NFATC1: variants seen among roughly 807,000 people sequenced by gnomAD.
NFATC1 encodes nuclear factor of activated T-cells, cytoplasmic 1.
Under a neutral mutation model 76.0 loss-of-function variants are expected in NFATC1, and 22 were observed. The ratio of observed to expected loss-of-function variants is 0.29; its 90% CI spans 0.21 to 0.41. NFATC1 has a LOEUF of 0.41. Among genes scored for constraint, NFATC1 ranks in the 10% least tolerant of loss-of-function variants. The pLI, the probability that NFATC1 is intolerant of heterozygous loss-of-function variation, is 1.00. For synonymous variants in NFATC1, 704 were observed against 613.1 expected, an observed-to-expected ratio of 1.15 and a Z score of -2.19; for missense variants, 1,357 against 1,337.7, an observed-to-expected ratio of 1.01 and a Z score of -0.23.
At chr18:79,499,533 C>T (rs1441975521) in intron 9 of NFATC1, among the ~76,000 whole-genome samples, 2 of 152,202 alleles carry the variant, frequency 1.3e-5, no homozygotes, top group Non-Finnish European at 2.9e-5. Context: ...TCAATAATCA[C>T]ATTAAATGTC....
chr18:79,426,997 G>T (rs1393190801), intron 2 of NFATC1, among the ~76,000 whole-genome samples: 1 of 152,254 alleles, frequency 6.6e-6, no homozygotes, highest in African/African-American at 2.4e-5. Context: ...GGTTGGGAAT[G>T]GTGGGGGCTC....
At chr18:79,416,966 G>A (rs1203848284) in intron 2 of NFATC1, among the ~76,000 whole-genome samples, 1 of 152,138 alleles carries the variant, frequency 6.6e-6, no homozygotes, top group East Asian at 1.9e-4. Context: ...GGCTCTGAAG[G>A]GTCTTGAAGA....
At chr18:79,423,998 A>G (rs1385525057) in intron 2 of NFATC1, among the ~76,000 whole-genome samples, 2 of 151,990 alleles carry the variant, frequency 1.3e-5, no homozygotes, top group Non-Finnish European at 2.9e-5. Flanking sequence ...CTGAAATCCT[A>G]AGGTTGCCCG....
intron 3 of NFATC1, among the ~76,000 whole-genome samples, chr18:79,436,441 G>A (rs2144684862): frequency 6.6e-6 from 1 of 152,380 alleles, no homozygotes; most frequent in Admixed American, 6.5e-5. Flanking sequence ...GCTGAGCCCT[G>A]GAGGGTGGCG....
At chr18:79,441,958 G>T (rs1430902280) in intron 3 of NFATC1, among the ~76,000 whole-genome samples, 1 of 152,094 alleles carries the variant, frequency 6.6e-6, no homozygotes, top group East Asian at 1.9e-4. Context: ...CTCTTCTCTG[G>T]GCGCTTCCAG....
At chr18:79,494,959 G>A (rs1390568159) in intron 9 of NFATC1, among the ~76,000 whole-genome samples, 1 of 151,964 alleles carries the variant, frequency 6.6e-6, no homozygotes, top group African/African-American at 2.4e-5. Flanking sequence ...ACGGCCGGGG[G>A]AAGGCGAGAG....
At chr18:79,454,466 C>G (rs1363330074) in intron 6 of NFATC1, among the ~76,000 whole-genome samples, 3 of 152,180 alleles carry the variant, frequency 2.0e-5, no homozygotes, top group Non-Finnish European at 4.4e-5. Flanking sequence ...GAAGGGAGTC[C>G]CCGCAGCAGG....
At chr18:79,444,489 T>A (rs113449229) in intron 3 of NFATC1, among the ~76,000 whole-genome samples, 15 of 105,850 alleles carry the variant, frequency 1.4e-4, no homozygotes, top group African/African-American at 4.4e-4. Context: ...CCCCGAGCCC[T>A]CGCTGCTCTG....
chr18:79,418,642 G>T (rs547601542), intron 2 of NFATC1, among the ~76,000 whole-genome samples: 25 of 152,346 alleles, frequency 1.6e-4, no homozygotes, highest in African/African-American at 5.5e-4. Context: ...CTGGTGAGGG[G>T]CTCAGAGTTG....
rs994556561 is a variant in NFATC1 at position 79,524,680 on chromosome 18, C to T, written c.2783-2848C>T. ...CCTCCCCTCCCGAGAGCTCAGCAGC[C>T]GCAGACCCAGGCAGAGAGAGCAAAG... On this transcript the variant is annotated intron_variant, in intron 9 of 9. Transcript: ENST00000427363. The surrounding 1 kb of genome is among the most constrained non-coding windows in gnomAD (Gnocchi z 7.2). 2.0e-5 allele frequency among the ~76,000 whole-genome samples: 3 copies of T among 152,096 alleles called. No homozygotes were observed. The highest frequency in any genetic ancestry group is 4.1e-4 in the South Asian group (2 of 4,826).
At chr18:79,483,514 C>T (rs1216812399) in intron 8 of NFATC1, among the ~76,000 whole-genome samples, 10 of 117,644 alleles carry the variant, frequency 8.5e-5, no homozygotes, top group Admixed American at 2.6e-4. Flanking sequence ...GGTGTCACTC[C>T]GGCGTGACCT....
At chr18:79,442,692 G>T (rs374667593) in intron 3 of NFATC1, among the ~76,000 whole-genome samples, 48 of 152,294 alleles carry the variant, frequency 3.2e-4, no homozygotes, top group African/African-American at 1.1e-3. Flanking sequence ...ACGTGCTCAC[G>T]CTGGGTCCCT....
intron 8 of NFATC1, among the ~76,000 whole-genome samples, chr18:79,474,807 A>T (rs1440115705): frequency 7.2e-6 from 1 of 138,178 alleles, no homozygotes; most frequent in Non-Finnish European, 1.5e-5. Context: ...CACACTGTCG[A>T]CGTAAACCTG....
chr18:79,497,181 G>A (rs966078144), intron 9 of NFATC1: 1 of 152,270 alleles, frequency 6.6e-6, no homozygotes, highest in Admixed American at 6.5e-5. Context: ...AGAGAAGCAG[G>A]CCTTCTAAAC....
At position 79,410,200 on chromosome 18, in the gene NFATC1, C is replaced by T; in HGVS notation, c.128-203C>T. 1.2e-6 allele frequency: 1 copy of T among 822,032 alleles called. No homozygotes were observed. Among genetic ancestry groups the T allele is most frequent in the South Asian group, 1.5e-5 (1 of 68,688 alleles). The allele number at this position is 822,032 out of a possible 1,614,324, so 50.9% of individuals were successfully genotyped here. ...GTGGGCAGTGAGGGGCTCACGGGAG[C>T]CTTGTTGGCCAGGTGGGACTGGGGC... On this transcript the variant is annotated intron_variant, in intron 1 of 9. Coordinates refer to ENST00000427363, the MANE Select transcript of NFATC1 (RefSeq NM_001278669.2). This position sits in a 1 kb window ranked among gnomAD's most constrained non-coding sequence, Gnocchi z 6.7.
rs940233654 is a variant in NFATC1, at chr18:79,420,307, G to A, written c.1226+8806G>A. On this transcript the variant is annotated intron_variant, in intron 2 of 9. Transcript: ENST00000427363. ...TCGCTGCAGAGAGGAAGAGGGGGAC[G>A]CGTTTCCAGGCGACGTCGCTGCAGA... 2.8e-3 allele frequency among the ~76,000 whole-genome samples: 415 copies of A among 147,720 alleles called. 2 individuals are homozygous for A. Among genetic ancestry groups the A allele is most frequent in the Middle Eastern group, 7.1e-3 (2 of 280 alleles).
chr18:79,414,126 G>A (rs935254947), intron 2 of NFATC1, among the ~76,000 whole-genome samples: 4 of 152,266 alleles, frequency 2.6e-5, no homozygotes, highest in South Asian at 2.1e-4. Context: ...TGGAAGCCAC[G>A]GCAGAGATGA....
At chr18:79,497,020 C>G (rs948603496) in intron 9 of NFATC1, 2 of 152,242 alleles carry the variant, frequency 1.3e-5, no homozygotes, top group Admixed American at 6.5e-5. Flanking sequence ...TTTCTTCCCA[C>G]TAGAGAGATG....
chr18:79,508,239 C>G (rs558748005), intron 9 of NFATC1, among the ~76,000 whole-genome samples: 1 of 151,948 alleles, frequency 6.6e-6, no homozygotes, highest in Non-Finnish European at 1.5e-5. Flanking sequence ...GAGGGACGGA[C>G]GGACGGAGGG....
Sources: allele counts gnomAD v4.1 joint callset (sites outside exome capture counted in the v4.1 genomes callset), GRCh38; gene constraint gnomAD v4.1.1; non-coding constraint Gnocchi (gnomAD v3.1); transcripts MANE v1.5; gene names NCBI Gene and HGNC (gene_info 2026-07-23, HGNC 2026-07-21).